The following FRYL variants were observed in gnomAD, a reference collection of about 807,000 sequenced individuals.
FRYL encodes protein furry homolog-like.
A neutral mutation model predicts 351.2 loss-of-function variants in FRYL; 150 were observed. The observed-to-expected ratio is 0.43, with a 90% CI of 0.37 to 0.49. FRYL has a LOEUF of 0.49. Ranked by LOEUF, FRYL falls within the 20% of genes least tolerant of loss-of-function variation. The pLI is 0.00. For missense variants in FRYL, 3,036 were observed against 3,619.3 expected (o/e 0.84, Z 4.13); for synonymous variants, 1,153 against 1,257.1 (o/e 0.92, Z 1.75).
intron 42 of FRYL, among the ~76,000 whole-genome samples, chr4:48,545,128 G>A (rs1211532835): frequency 2.0e-5 from 3 of 152,176 alleles, no homozygotes; most frequent in African/African-American, 7.2e-5. Context: ...TCTCTCAGAC[G>A]TAGTAGAAAA....
intron 24 of FRYL, 112 bp downstream of exon 24, chr4:48,575,918 T>C (rs2039645089): frequency 2.3e-6 from 2 of 854,854 alleles, no homozygotes; most frequent in Admixed American, 5.5e-5. Flanking sequence ...TGCAAGTAAG[T>C]AACACATTTT....
At chr4:48,594,402 G>T (rs573628170) in intron 15 of FRYL, among the ~76,000 whole-genome samples, 2 of 152,212 alleles carry the variant, frequency 1.3e-5, no homozygotes, top group East Asian at 3.9e-4. Context: ...AATCTCCCGG[G>T]GGGTGGGGGG....
At chr4:48,510,804 C>G (rs761932889) in intron 58 of FRYL, 31 bp downstream of exon 58, 3 of 1,564,292 alleles carry the variant, frequency 1.9e-6, no homozygotes, top group Admixed American at 1.7e-5. Context: ...CCAATGTAGT[C>G]TTTATAATAA....
At chr4:48,686,701 C>T (rs1180532573) in intron 2 of FRYL, among the ~76,000 whole-genome samples, 2 of 152,204 alleles carry the variant, frequency 1.3e-5, no homozygotes, top group African/African-American at 2.4e-5. Context: ...TTTGTACCAC[C>T]ATGTCTAGGT....
intron 2 of FRYL, among the ~76,000 whole-genome samples, chr4:48,688,218 C>A (rs924150999): frequency 6.6e-6 from 1 of 152,166 alleles, no homozygotes; most frequent in African/African-American, 2.4e-5. Flanking sequence ...TTCTGGGAAT[C>A]TTGCAAGGCC....
At chr4:48,743,128 T>C (rs188232581) in intron 1 of FRYL, among the ~76,000 whole-genome samples, 199 of 152,070 alleles carry the variant, frequency 1.3e-3, no homozygotes, top group African/African-American at 4.7e-3. Context: ...CAATCTGAGA[T>C]GTTTAAAGGT....
chr4:48,710,453 C>T, intron 2 of FRYL, 66 bp downstream of exon 2: 1 of 398,356 alleles, frequency 2.5e-6, no homozygotes, highest in Non-Finnish European at 4.4e-6. Flanking sequence ...GCAAAAAGTG[C>T]AGGTATTAAC....
chr4:48,603,081 A>G (rs908777990), intron 12 of FRYL, among the ~76,000 whole-genome samples: 3 of 151,838 alleles, frequency 2.0e-5, no homozygotes, highest in African/African-American at 7.2e-5. Context: ...AGTCTGAACA[A>G]CTCAACAAAT....
chr4:48,545,002 A>T, intron 42 of FRYL, 98 bp from the exon 43 acceptor site: 1 of 1,259,728 alleles, frequency 7.9e-7, no homozygotes, highest in Non-Finnish European at 1.1e-6. Flanking sequence ...ATTAGAAAGG[A>T]TGGTAGTTGA....
At chr4:48,681,085 C>A in intron 3 of FRYL, 1 of 1,269,818 alleles carries the variant, frequency 7.9e-7, no homozygotes, top group Non-Finnish European at 1.0e-6. Flanking sequence ...AACCACATCT[C>A]CCGAAAGAAT....
At chr4:48,640,206 G>T (rs1263398322) in intron 3 of FRYL, among the ~76,000 whole-genome samples, 1 of 152,046 alleles carries the variant, frequency 6.6e-6, no homozygotes, top group Non-Finnish European at 1.5e-5. Context: ...ACCTGCACAT[G>T]GTTGCTTATA....
intron 1 of FRYL, among the ~76,000 whole-genome samples, chr4:48,714,992 C>T (rs1176461080): frequency 6.6e-6 from 1 of 152,032 alleles, no homozygotes; most frequent in African/African-American, 2.4e-5. Flanking sequence ...AAATGTAATC[C>T]AGCATAAAAA....
intron 45 of FRYL, 73 bp from the exon 46 acceptor site, chr4:48,541,033 A>C: frequency 7.3e-7 from 1 of 1,377,266 alleles, no homozygotes; most frequent in Non-Finnish European, 9.6e-7. Context: ...ACTTCTGAAA[A>C]CACTGAAAAA....
At chr4:48,722,736 T>C (rs1168611604) in intron 1 of FRYL, among the ~76,000 whole-genome samples, 1 of 152,232 alleles carries the variant, frequency 6.6e-6, no homozygotes, top group Non-Finnish European at 1.5e-5. Context: ...GGGAAGCACA[T>C]TCCTTGTTAA....
At chr4:48,637,283 C>T (rs190792737) in intron 3 of FRYL, 1 of 151,994 alleles carries the variant, frequency 6.6e-6, no homozygotes, top group African/African-American at 2.4e-5. Context: ...AGTTGTCCCC[C>T]TCAACTTTAT....
chr4:48,778,753 G>A (rs1776296544), intron 1 of FRYL, among the ~76,000 whole-genome samples: 1 of 152,190 alleles, frequency 6.6e-6, no homozygotes, highest in Non-Finnish European at 1.5e-5. Flanking sequence ...TTCAGTAGCA[G>A]AATCAACTTT....
chr4:48,548,803 A>T lies in FRYL; in HGVS notation c.4785-10T>A. On this transcript the variant is annotated splice_polypyrimidine_tract_variant and intron_variant, in intron 39 of 63. Transcript: ENST00000358350. ...CACTGCTATGTTACACCTATGACAA[A>T]TAAGAGTTTCATTAACGTTTTACTA... The T allele has an allele frequency of 6.6e-7, 1 of 1,506,754 alleles. No individual in the cohort carries two copies. The highest frequency in any genetic ancestry group is 1.2e-5 in the South Asian group (1 of 83,204). The allele number at this position is 1,506,754 out of a possible 1,614,324, so 93.3% of individuals were successfully genotyped here.
intron 20 of FRYL, 89 bp downstream of exon 20, chr4:48,582,408 G>T: frequency 1.2e-6 from 1 of 802,504 alleles, no homozygotes; most frequent in Non-Finnish European, 2.1e-6. Flanking sequence ...AATACTTTTA[G>T]TGTTTGATAA....
At chr4:48,504,162 A>C (rs1030103378) in intron 60 of FRYL, among the ~76,000 whole-genome samples, 1 of 152,088 alleles carries the variant, frequency 6.6e-6, no homozygotes, top group Non-Finnish European at 1.5e-5. Context: ...AGTATATTAA[A>C]ATTTGCACAT....
Sources: allele counts gnomAD v4.1 joint callset (sites outside exome capture counted in the v4.1 genomes callset), GRCh38; gene constraint gnomAD v4.1.1; transcripts MANE v1.5; gene names NCBI Gene and HGNC (gene_info 2026-07-23, HGNC 2026-07-21).